The following CEP170 variants were observed in gnomAD, a reference collection of about 807,000 sequenced individuals.
CEP170 encodes the protein centrosomal protein of 170 kDa.
A neutral mutation model predicts 151.9 loss-of-function variants in CEP170; 21 were observed. The observed-to-expected ratio is 0.14, with a 90% confidence interval of 0.10 to 0.20. The LOEUF is 0.20. CEP170 is among the 10% of genes least tolerant of loss of function. The pLI, the probability that CEP170 is intolerant of heterozygous loss-of-function variation, is 1.00. For missense variants in CEP170, 964 were observed against 1,892.9 expected, an observed-to-expected ratio of 0.51 and a Z score of 9.11; for synonymous variants, 356 against 648.8, an observed-to-expected ratio of 0.55 and a Z score of 6.86.
intron 12 of CEP170, among the ~76,000 whole-genome samples, chr1:243,167,820 G>T (rs1187947168): frequency 2.0e-5 from 3 of 151,888 alleles, no homozygotes; most frequent in South Asian, 4.1e-4. Flanking sequence ...GCTAACTGAA[G>T]CATCTAGAAT....
chr1:243,246,047 A>T (rs899169009), intron 1 of CEP170, among the ~76,000 whole-genome samples: 2 of 152,154 alleles, frequency 1.3e-5, no homozygotes, highest in African/African-American at 4.8e-5. Context: ...CCAGTGGTAG[A>T]AGAATAAACT....
chr1:243,251,574 G>C (rs2065942903), intron 1 of CEP170, among the ~76,000 whole-genome samples: 1 of 152,112 alleles, frequency 6.6e-6, no homozygotes, highest in South Asian at 2.1e-4. Context: ...CTGGCACCTA[G>C]GAAATGTTCA....
At chr1:243,199,475 C>T (rs2060882868) in intron 6 of CEP170, among the ~76,000 whole-genome samples, 1 of 151,922 alleles carries the variant, frequency 6.6e-6, no homozygotes, top group African/African-American at 2.4e-5. Context: ...GAGTTGTTTG[C>T]TATATAACTG....
At chr1:243,161,883 T>C (rs1572358511) in intron 13 of CEP170, among the ~76,000 whole-genome samples, 2 of 152,244 alleles carry the variant, frequency 1.3e-5, no homozygotes, top group East Asian at 3.8e-4. Context: ...AAAGAAATGT[T>C]ATAATATCAA....
At chr1:243,187,523 G>A (rs905065125) in intron 8 of CEP170, among the ~76,000 whole-genome samples, 11 of 152,240 alleles carry the variant, frequency 7.2e-5, no homozygotes, top group African/African-American at 1.9e-4. Flanking sequence ...TTTAGTCAAC[G>A]AGGTACATTC....
At chr1:243,147,611 A>T (rs2056647918) in intron 14 of CEP170, among the ~76,000 whole-genome samples, 1 of 152,224 alleles carries the variant, frequency 6.6e-6, no homozygotes, top group African/African-American at 2.4e-5. Flanking sequence ...AATATAAACA[A>T]GCAATACTGA....
At chr1:243,223,506 C>T (rs913610424) in intron 2 of CEP170, among the ~76,000 whole-genome samples, 1 of 152,180 alleles carries the variant, frequency 6.6e-6, no homozygotes, top group Non-Finnish European at 1.5e-5. Flanking sequence ...ACTAAGTGAA[C>T]AACTTGTTTG....
intron 1 of CEP170, among the ~76,000 whole-genome samples, chr1:243,238,742 T>A (rs894369909): frequency 6.6e-6 from 1 of 152,220 alleles, no homozygotes; most frequent in Admixed American, 6.5e-5. Context: ...TCAGTCCACA[T>A]ATTAGTAGTA....
chr1:243,153,721 A>C (rs1437306283), intron 14 of CEP170, among the ~76,000 whole-genome samples: 1 of 151,574 alleles, frequency 6.6e-6, no homozygotes, highest in Non-Finnish European at 1.5e-5. Flanking sequence ...TTTTACATGC[A>C]CTAGGAAAAA....
At chr1:243,221,352 C>T (rs1242085352) in intron 3 of CEP170, among the ~76,000 whole-genome samples, 1 of 152,184 alleles carries the variant, frequency 6.6e-6, no homozygotes, top group Non-Finnish European at 1.5e-5. Context: ...CTAAACTTAA[C>T]CATTACTTCT....
intron 14 of CEP170, among the ~76,000 whole-genome samples, chr1:243,149,909 T>TAC (rs1167704726): frequency 2.0e-5 from 3 of 152,060 alleles, no homozygotes; most frequent in Non-Finnish European, 4.4e-5. Context: ...TTTGGTTTTT[T>TAC]ACTGTTAAGA....
At chr1:243,155,823 C>T (rs1453682234) in intron 14 of CEP170, among the ~76,000 whole-genome samples, 1 of 152,024 alleles carries the variant, frequency 6.6e-6, no homozygotes, top group African/African-American at 2.4e-5. Flanking sequence ...AGAGCAGTAG[C>T]CACATCTCTA....
At chr1:243,169,584 GA>G (rs2058689898) in intron 12 of CEP170, 43 bp downstream of exon 12, 1 of 649,480 alleles carries the variant, frequency 1.5e-6, no homozygotes, top group African/African-American at 2.2e-5. Flanking sequence ...AATGGAGAAA[GA>G]GAAGAAAAAA....
At chr1:243,186,542 G>A (rs552675659) in intron 8 of CEP170, 120 bp from the exon 9 acceptor site, 2 of 1,050,898 alleles carry the variant, frequency 1.9e-6, no homozygotes, top group Admixed American at 3.1e-5. Context: ...AAAGTCATAT[G>A]TTCTCTTCAG....
At chr1:243,212,522 T>G (rs1299904856) in intron 3 of CEP170, among the ~76,000 whole-genome samples, 2 of 152,220 alleles carry the variant, frequency 1.3e-5, no homozygotes, top group Non-Finnish European at 2.9e-5. Flanking sequence ...ATTTTTCTGA[T>G]ATGTTGAAAT....
chr1:243,139,105 CTTTTT>C (rs370290389), intron 16 of CEP170, among the ~76,000 whole-genome samples: 1 of 136,118 alleles, frequency 7.3e-6, no homozygotes, highest in African/African-American at 2.7e-5. Context: ...TTTTCTTTTT[CTTTTT>C]TTTTTTTTGG....
chr1:243,221,818 A>C lies in CEP170; in HGVS notation c.106-5T>G. On this transcript the variant is annotated splice_polypyrimidine_tract_variant and splice_region_variant and intron_variant, in intron 2 of 19. Coordinates refer to ENST00000366542, the MANE Select transcript of CEP170 (RefSeq NM_014812.3). ...TTGCTTATCCACACTACGAGACTGA[A>C]AGGAATGTTGTCAGTTAATAAATAT... The C allele has an allele frequency of 6.2e-7, 1 of 1,605,480 alleles. No individual in the cohort carries two copies. Among genetic ancestry groups the C allele is most frequent in the Non-Finnish European group, 8.5e-7 (1 of 1,176,784 alleles).
chr1:243,177,597 T>C (rs897054788), intron 10 of CEP170, among the ~76,000 whole-genome samples: 16 of 152,178 alleles, frequency 1.1e-4, no homozygotes, highest in Non-Finnish European at 1.8e-4. Flanking sequence ...CCATGGCCCA[T>C]GAAAATAATT....
At chr1:243,229,271 G>A (rs114002076) in intron 1 of CEP170, among the ~76,000 whole-genome samples, 2,482 of 152,266 alleles carry the variant, frequency 0.016, 64 homozygotes, top group African/African-American at 0.055. Flanking sequence ...GTGATAGCAG[G>A]TATATTTCTT....
Sources: allele counts gnomAD v4.1 joint callset (sites outside exome capture counted in the v4.1 genomes callset), GRCh38; gene constraint gnomAD v4.1.1; transcripts MANE v1.5; gene names NCBI Gene and HGNC (gene_info 2026-07-23, HGNC 2026-07-21).